Variants in ABCA2 observed in about 807,000 individuals in gnomAD.
The protein encoded by ABCA2 is ATP binding cassette subfamily A member 2.
Under a neutral mutation model 262.8 loss-of-function variants are expected in ABCA2, and 84 were observed. That is an observed-to-expected ratio of 0.32 (90% CI 0.27 to 0.38). The LOEUF is 0.38. Ranked by LOEUF, ABCA2 falls within the 10% of genes least tolerant of loss-of-function variation. The pLI, the probability that ABCA2 is intolerant of heterozygous loss-of-function variation, is 1.00. For synonymous variants in ABCA2, 1,696 were observed against 1,502.9 expected (o/e 1.13, Z -2.97); for missense variants, 2,662 against 3,405.9 (o/e 0.78, Z 5.44).
intron 3 of ABCA2, chr9:137,023,512 C>A: frequency 1.3e-6 from 1 of 746,626 alleles, no homozygotes; most frequent in Non-Finnish European, 2.5e-6. Flanking sequence ...GCCGCTCCAG[C>A]CCCAGCCCAG....
intron 25 of ABCA2, 28 bp from the exon 26 acceptor site, chr9:137,014,838 C>A: frequency 3.1e-6 from 5 of 1,587,920 alleles, no homozygotes; most frequent in Non-Finnish European, 4.3e-6. Flanking sequence ...GGGGAGGCTG[C>A]GGCAGGGACG....
rs777780401 is a variant in ABCA2 at position 137,016,567 on chromosome 9, G to T, written c.2923+7C>A. ...CACCCCAGCCACCATTCTGATGCCA[G>T]CCTCACCAAAGCGCCGGCTCTCCAT... On this transcript the variant is annotated splice_region_variant and intron_variant, in intron 20 of 48. Transcript: ENST00000341511. The T allele has an allele frequency of 3.0e-5, 48 of 1,612,226 alleles. No homozygotes were observed. The highest frequency in any genetic ancestry group is 4.0e-5 in the Non-Finnish European group (47 of 1,179,932).
Position 137,021,752 on chromosome 9 carries a change from G to A in ABCA2, c.678+139C>T. The A allele has an allele frequency of 3.3e-6, 4 of 1,220,376 alleles. No individual in the cohort carries two copies. The highest frequency in any genetic ancestry group is 4.6e-6 in the Non-Finnish European group (4 of 865,802). 75.6% of individuals were successfully genotyped at this position (1,220,376 alleles called of 1,614,324 possible). Reference sequence around the variant, plus strand: ...CGACATGCCTCTACCCCTCATGCCTGCCATAGACCCCTGGGACCCTCCCCC... The same window carrying A: ...CGACATGCCTCTACCCCTCATGCCTACCATAGACCCCTGGGACCCTCCCCC... On this transcript the variant is annotated intron_variant, in intron 7 of 48. Transcript: ENST00000341511. This position sits in a 1 kb window ranked among gnomAD's most constrained non-coding sequence, Gnocchi z 6.0.
rs751548768 is a variant in ABCA2 at position 137,022,814 on chromosome 9, C to T, written c.327G>A (p.Leu109=). Residue 109 remains leucine (L), a synonymous_variant, in exon 5 of 49, where the codon CTG becomes CTA. Coordinates refer to ENST00000341511, the MANE Select transcript of ABCA2 (RefSeq NM_001606.5). Reference sequence around the variant, plus strand: ...CCAGGCTGGGCCGCGCTGGGTCAAACAGGTTGCCTTCCTCCACCACGCGGT... The same window carrying T: ...CCAGGCTGGGCCGCGCTGGGTCAAATAGGTTGCCTTCCTCCACCACGCGGT... The part of the protein sequence containing the change: ...RLDRVVEEGN[L]FDPARPSLGS... 3.8e-6 allele frequency: 6 copies of T among 1,591,906 alleles called. No individual in the cohort carries two copies. The highest frequency in any genetic ancestry group is 5.1e-6 in the Non-Finnish European group (6 of 1,170,486).
Position 137,012,179 on chromosome 9 carries a change from G to C in ABCA2, c.5300-17C>G. ...CGGTGATGCCTGCACACGGCGGGGC[G>C]GGGGCGGCAGCTTCAGGCCCCAGCT... On this transcript the variant is annotated splice_polypyrimidine_tract_variant and intron_variant, in intron 33 of 48. Coordinates refer to ENST00000341511, the MANE Select transcript of ABCA2 (RefSeq NM_001606.5). 2.5e-6 allele frequency: 4 copies of C among 1,611,194 alleles called. No individual in the cohort carries two copies. The highest frequency in any genetic ancestry group is 3.3e-5 in the Admixed American group (2 of 60,000).
At chr9:137,008,018 G>A in intron 48 of ABCA2, 54 bp from the exon 49 acceptor site, 8 of 1,581,092 alleles carry the variant, frequency 5.1e-6, no homozygotes, top group South Asian at 1.1e-5. Flanking sequence ...CCCCTGCTGG[G>A]GCTGAGGACA....
At chr9:137,023,954 G>A (rs1454107904) in intron 2 of ABCA2, 114 bp from the exon 3 acceptor site, 15 of 1,476,930 alleles carry the variant, frequency 1.0e-5, no homozygotes, top group East Asian at 7.4e-5. Flanking sequence ...ATCATCATTC[G>A]CGGCCACAGG....
intron 3 of ABCA2, 47 bp downstream of exon 3, chr9:137,023,791 C>T (rs796767362): frequency 6.8e-6 from 5 of 738,956 alleles, no homozygotes; most frequent in African/African-American, 5.1e-5. Flanking sequence ...ATGGGCCCCC[C>T]GCAGCTGCTG....
At chr9:137,012,437 T>G (rs1218179303) in intron 32 of ABCA2, 48 bp downstream of exon 32, 1 of 1,608,642 alleles carries the variant, frequency 6.2e-7, no homozygotes, top group East Asian at 2.2e-5. Context: ...CCTGCAGACC[T>G]CGGGCGGCGC....
In ABCA2 at chr9:137,013,313, C is replaced by T. The variant is rs781548240; in HGVS notation, c.4556G>A (p.Arg1519Gln). ...ANEERREYRL[R>Q]LSPDASPQQL... ...CTGGGGGCTGGCGTCGGGCGATAGC[C>T]GCAGCCTGCGGGCACCGACAGTGTG... is the stretch of plus-strand genomic sequence containing the variant. Residue 1519 changes from arginine (R) to glutamine (Q), a missense_variant, in exon 30 of 49, where the codon CGG becomes CAG. Transcript: ENST00000341511. 173 of 1,547,978 alleles carry T rather than the reference C, an allele frequency of 1.1e-4. No individual in the cohort carries two copies. The highest frequency in any genetic ancestry group is 1.4e-4 in the South Asian group (12 of 84,042).
At chr9:137,020,649 C>T (rs528114724) in intron 9 of ABCA2, 45 bp downstream of exon 9, 1 of 1,592,086 alleles carries the variant, frequency 6.3e-7, no homozygotes, top group Non-Finnish European at 8.5e-7. Flanking sequence ...TCACGCCCTG[C>T]CCCTGGCTGT....
At position 137,010,735 on chromosome 9, in the gene ABCA2, C is replaced by T. The variant is rs754576760; in HGVS notation, c.6059G>A (p.Arg2020His). Residue 2020 changes from arginine (R) to histidine (H), a missense_variant and splice_region_variant, in exon 40 of 49, where the codon CGC (arginine) becomes CAC (histidine). By Grantham distance (29) the Arg-to-His change is conservative (BLOSUM62 0). Around this residue, in one of 12 missense-constraint regions of ABCA2, gnomAD observed 602 missense variants for 897.4 expected, o/e 0.67. Coordinates refer to ENST00000341511, the MANE Select transcript of ABCA2 (RefSeq NM_001606.5). ...CQYNFLRRPQ[R>H]MPVSTKPVED... ...CACAGGCTTGGTAGACACAGGCATG[C>T]GCCTTGGGGGACAGGGTGGACAGTG... 96 of 1,612,250 alleles carry T rather than the reference C, an allele frequency of 6.0e-5. No homozygotes were observed. The highest frequency in any genetic ancestry group is 1.9e-4 in the South Asian group (17 of 91,080).
chr9:137,022,664 C>A, intron 5 of ABCA2, 38 bp downstream of exon 5: 1 of 1,588,502 alleles, frequency 6.3e-7, no homozygotes, highest in East Asian at 2.3e-5. Context: ...GAGCTTTGCC[C>A]GCAGCCCTGC....
At position 137,008,709 on chromosome 9, in the gene ABCA2, G is replaced by C. The variant is rs77580619; in HGVS notation, c.7068+22C>G. ...GTGAGGGGAGGGGCAGGTGTGGTGC[G>C]CAGTGCCCTTGGGGCGCTCACATTG... On this transcript the variant is annotated intron_variant, in intron 47 of 48. Transcript: ENST00000341511. 8 of 1,568,986 alleles carry C rather than the reference G, an allele frequency of 5.1e-6. No homozygotes were observed. The Admixed American group carries it at 1.1e-4, about 22-fold the overall frequency.
rs183080880 is a variant in ABCA2 at position 137,018,785 on chromosome 9, C to T, written c.1753G>A (p.Asp585Asn). The T allele has an allele frequency of 4.3e-5, 69 of 1,612,584 alleles. No homozygotes were observed. In the Admixed American group the frequency reaches 9.2e-4, roughly 21 times the overall value. The change falls in exon 13 of 49, where the codon GAC becomes AAC. Residue 585 changes from aspartate (D) to asparagine (N), a missense_variant. Coordinates refer to ENST00000341511, the MANE Select transcript of ABCA2 (RefSeq NM_001606.5). ...GTGTAGTTGACAATGCTCTCCTCGT[C>T]GGGGAAGCCCTTGAAGATGTCCACG... ...VSVDIFKGFPDEESIVNYTLN... is the reference protein window; with the variant it reads ...VSVDIFKGFPNEESIVNYTLN...
In ABCA2 at chr9:137,017,636, G is replaced by A. The variant is rs925310004; in HGVS notation, c.2268C>T (p.Thr756=). The change falls in exon 17 of 49, where the codon ACC becomes ACT. Residue 756 remains threonine, a synonymous_variant. Coordinates refer to ENST00000341511, the MANE Select transcript of ABCA2 (RefSeq NM_001606.5). The part of the protein sequence containing the change: ...NAVHWVAWFI[T]GFVQLSISVT... ...CGGAGATGGACAGCTGCACAAAGCCGGTGATGAACCAGGCCACCCAGTGCA... is the reference window on the plus strand; with the variant it reads ...CGGAGATGGACAGCTGCACAAAGCCAGTGATGAACCAGGCCACCCAGTGCA... The A allele has an allele frequency of 9.3e-6, 15 of 1,612,592 alleles. No homozygotes were observed. The highest frequency in any genetic ancestry group is 1.3e-5 in the African/African-American group (1 of 74,942).
Position 137,021,775 on chromosome 9 carries a change from C to T in ABCA2, c.678+116G>A, listed in dbSNP as rs974465562. On this transcript the variant is annotated intron_variant, in intron 7 of 48. Coordinates refer to ENST00000341511, the MANE Select transcript of ABCA2 (RefSeq NM_001606.5). This position sits in a 1 kb window ranked among gnomAD's most constrained non-coding sequence, Gnocchi z 6.0. ...CTGCCATAGACCCCTGGGACCCTCC[C>T]CCTCTCCCAGGAGGAGCTCCAAGTC... 19 of 1,251,708 alleles carry T rather than the reference C, an allele frequency of 1.5e-5. No homozygotes were observed. Among genetic ancestry groups the T allele is most frequent in the Non-Finnish European group, 1.9e-5 (17 of 887,010 alleles). 77.5% of individuals were successfully genotyped at this position (1,251,708 alleles called of 1,614,324 possible).
intron 40 of ABCA2, 30 bp downstream of exon 40, chr9:137,010,590 C>CCCGCCCCCCCCCAAA: frequency 2.9e-5 from 36 of 1,253,078 alleles, no homozygotes; most frequent in Non-Finnish European, 3.8e-5. Flanking sequence ...CTACCCCACC[C>CCCGCCCCCCCCCAAA]AGGCCCCACC....
chr9:137,017,319 C>T lies in ABCA2; in HGVS notation c.2430G>A (p.Lys810=). Residue 810 remains lysine, a synonymous_variant, in exon 18 of 49, where the codon AAG becomes AAA. Coordinates refer to ENST00000341511, the MANE Select transcript of ABCA2 (RefSeq NM_001606.5). ...FCFLVSVLYS[K]AKLASACGGI... Reference sequence around the variant, plus strand: ...CACCGCAGGCCGAGGCCAGCTTGGCCTTGGAGTACAGCACAGACACCAGGA... The same window carrying T: ...CACCGCAGGCCGAGGCCAGCTTGGCTTTGGAGTACAGCACAGACACCAGGA... 1 of 1,612,656 alleles carries T rather than the reference C, an allele frequency of 6.2e-7. No homozygotes were observed. The highest frequency in any genetic ancestry group is 2.2e-5 in the East Asian group (1 of 44,868).
Sources: gnomAD v4.1 joint callset for allele counts on GRCh38, gnomAD v4.1.1 for gene constraint, gnomAD v4.1.1 regional missense constraint, Gnocchi (gnomAD v3.1) non-coding constraint, MANE v1.5 for transcripts, NCBI Gene and HGNC (gene_info 2026-07-23, HGNC 2026-07-21) for gene names.